The following ANGPT1 variants were observed in gnomAD, a reference collection of about 807,000 sequenced individuals.
The protein encoded by ANGPT1 is angiopoietin-1.
ANGPT1 carries 17 observed loss-of-function variants against 62.2 expected under a neutral mutation model. That is an observed-to-expected ratio of 0.27 (90% confidence interval 0.19 to 0.41). The LOEUF (loss-of-function observed/expected upper bound fraction) is 0.41, where lower values mean the gene tolerates loss of function less well. Among genes scored for constraint, ANGPT1 ranks in the 10% least tolerant of loss-of-function variants. The pLI is 1.00. For synonymous variants in ANGPT1, 199 were observed against 198.9 expected (o/e 1.00, Z 0.00); for missense variants, 478 against 594.9 (o/e 0.80, Z 2.04).
At chr8:107,263,128 C>G (rs772467328) in intron 8 of ANGPT1, among the ~76,000 whole-genome samples, 1 of 151,818 alleles carries the variant, frequency 6.6e-6, no homozygotes, top group Non-Finnish European at 1.5e-5. Flanking sequence ...GCAAGGTGGG[C>G]GGATCACTTG....
chr8:107,346,443 A>G (rs1815804905), intron 2 of ANGPT1, among the ~76,000 whole-genome samples: 1 of 152,212 alleles, frequency 6.6e-6, no homozygotes, highest in African/African-American at 2.4e-5. Flanking sequence ...TGGTACTCAA[A>G]TAAGTACATC....
chr8:107,316,396 G>A (rs1815014566), intron 4 of ANGPT1, among the ~76,000 whole-genome samples: 1 of 152,136 alleles, frequency 6.6e-6, no homozygotes, highest in Non-Finnish European at 1.5e-5. Context: ...TCACCTCTCT[G>A]TGCTTAGCTT....
chr8:107,302,283 G>A (rs528632469), intron 5 of ANGPT1, among the ~76,000 whole-genome samples: 1 of 151,974 alleles, frequency 6.6e-6, no homozygotes, highest in Admixed American at 6.6e-5. Context: ...TAATTTAGGT[G>A]GGGGCATGAG....
chr8:107,443,914 GCAGA>G (rs1811544384), intron 1 of ANGPT1, among the ~76,000 whole-genome samples: 1 of 151,858 alleles, frequency 6.6e-6, no homozygotes, highest in African/African-American at 2.4e-5. Flanking sequence ...AAGTTACCAT[GCAGA>G]CAAACACAAA....
chr8:107,376,790 A>G (rs1253223120), intron 1 of ANGPT1, among the ~76,000 whole-genome samples: 27 of 152,050 alleles, frequency 1.8e-4, no homozygotes, highest in Admixed American at 1.8e-3. Flanking sequence ...AAATTTTTAC[A>G]TATCTATTAT....
chr8:107,352,874 G>A (rs1301475969), intron 1 of ANGPT1, among the ~76,000 whole-genome samples: 1 of 152,010 alleles, frequency 6.6e-6, no homozygotes, highest in South Asian at 2.1e-4. Context: ...TGCAAAAAAT[G>A]CCTTAAATGT....
At chr8:107,275,866 C>T (rs565097401) in intron 7 of ANGPT1, among the ~76,000 whole-genome samples, 1 of 152,260 alleles carries the variant, frequency 6.6e-6, no homozygotes, top group South Asian at 2.1e-4. Context: ...GTTTCTAGGA[C>T]AGCAGTGGTC....
In ANGPT1 at chr8:107,249,781, AT is replaced by A. The variant is rs1813208082; in HGVS notation, c.*2073del. 3 of 152,170 alleles carry A rather than the reference AT, an allele frequency of 2.0e-5. No homozygotes were observed. The allele number at this position is 152,170 out of a possible 1,614,324, so 9.4% of individuals were successfully genotyped here. On this transcript the variant is annotated 3_prime_UTR_variant, in exon 9 of 9. Coordinates refer to ENST00000517746, the MANE Select transcript of ANGPT1 (RefSeq NM_001146.5). ...TCATGCTTTCTTTTTTTATTATTTT[AT>A]TTTGTTTTTGTAATATGAGTTTGGA...
At chr8:107,257,356 C>A (rs1813382414) in intron 8 of ANGPT1, among the ~76,000 whole-genome samples, 1 of 152,096 alleles carries the variant, frequency 6.6e-6, no homozygotes, top group Admixed American at 6.6e-5. Context: ...ATCTTTGAAG[C>A]AGAAAATTCA....
chr8:107,483,654 A>G (rs1812743988), intron 1 of ANGPT1, among the ~76,000 whole-genome samples: 1 of 152,156 alleles, frequency 6.6e-6, no homozygotes, highest in Non-Finnish European at 1.5e-5. Context: ...ATAGTACCCA[A>G]TTTATTAATG....
chr8:107,278,337 G>T (rs1157659390), intron 7 of ANGPT1, among the ~76,000 whole-genome samples: 1 of 152,062 alleles, frequency 6.6e-6, no homozygotes, highest in East Asian at 1.9e-4. Flanking sequence ...TCCCACTTTG[G>T]CCTCCCTAAG....
At chr8:107,348,557 A>G (rs1032567447) in intron 1 of ANGPT1, among the ~76,000 whole-genome samples, 2 of 152,186 alleles carry the variant, frequency 1.3e-5, no homozygotes, top group African/African-American at 4.8e-5. Flanking sequence ...TTCAACCTAT[A>G]AAAGTTTATT....
At chr8:107,265,948 T>C (rs937214010) in intron 7 of ANGPT1, among the ~76,000 whole-genome samples, 1 of 152,216 alleles carries the variant, frequency 6.6e-6, no homozygotes, top group East Asian at 1.9e-4. Flanking sequence ...ACAAATATTC[T>C]GCAGAGATTT....
At chr8:107,354,020 G>A (rs1029274179) in intron 1 of ANGPT1, among the ~76,000 whole-genome samples, 3 of 152,110 alleles carry the variant, frequency 2.0e-5, no homozygotes, top group African/African-American at 7.2e-5. Flanking sequence ...AATCCCATAG[G>A]AACAAATTCT....
chr8:107,299,644 TATAA>T (rs1176115118), intron 5 of ANGPT1, among the ~76,000 whole-genome samples: 2 of 137,546 alleles, frequency 1.5e-5, no homozygotes, highest in Non-Finnish European at 3.1e-5. Flanking sequence ...TATATATAGA[TATAA>T]ATATCTATAT....
At chr8:107,295,944 AT>A (rs1195524275) in intron 5 of ANGPT1, among the ~76,000 whole-genome samples, 3 of 152,226 alleles carry the variant, frequency 2.0e-5, no homozygotes, top group East Asian at 1.9e-4. Context: ...GATCATCTCC[AT>A]TTTACAGATG....
chr8:107,433,399 G>A (rs2130411480), intron 1 of ANGPT1, among the ~76,000 whole-genome samples: 1 of 152,244 alleles, frequency 6.6e-6, no homozygotes. Context: ...TAGTTCTGTG[G>A]CTTTCAAGAT....
chr8:107,390,143 C>G (rs1816807675), intron 1 of ANGPT1, among the ~76,000 whole-genome samples: 1 of 152,162 alleles, frequency 6.6e-6, no homozygotes, highest in African/African-American at 2.4e-5. Flanking sequence ...ACATCATTCA[C>G]TCTTCAATAA....
In ANGPT1 at chr8:107,482,076, A is replaced by T. The variant is rs78005731; in HGVS notation, c.297+15186T>A. On this transcript the variant is annotated intron_variant, in intron 1 of 8. Transcript: ENST00000517746. ...GGGATGGACTAAGATGGCTGGTATCACGGCTTATATGAGTGAGTTGAACCT... is the reference window on the plus strand; with the variant it reads ...GGGATGGACTAAGATGGCTGGTATCTCGGCTTATATGAGTGAGTTGAACCT... Among the ~76,000 whole-genome samples, 1,316 of 152,368 alleles carry T rather than the reference A, an allele frequency of 8.6e-3. 16 individuals are homozygous for T. Among genetic ancestry groups the T allele is most frequent in the African/African-American group, 0.03 (1,255 of 41,590 alleles).
Sources: allele counts gnomAD v4.1 joint callset (sites outside exome capture counted in the v4.1 genomes callset), GRCh38; gene constraint gnomAD v4.1.1; transcripts MANE v1.5; gene names NCBI Gene and HGNC (gene_info 2026-07-23, HGNC 2026-07-21).